BCKDHA: variants seen among roughly 807,000 people sequenced by gnomAD.
BCKDHA encodes the protein 2-oxoisovalerate dehydrogenase subunit alpha, mitochondrial.
In BCKDHA, 43 loss-of-function variants were observed where a neutral mutation model predicts 52.2. The ratio of observed to expected loss-of-function variants is 0.82; its 90% CI spans 0.64 to 1.06. BCKDHA has a LOEUF of 1.06. Ranked by LOEUF, BCKDHA falls within the 50% of genes least tolerant of loss-of-function variation. The pLI is 0.00. For missense variants in BCKDHA, 527 were observed against 621.3 expected (o/e 0.85, Z 1.61); for synonymous variants, 234 against 247.9 (o/e 0.94, Z 0.53).
intron 1 of BCKDHA, among the ~76,000 whole-genome samples, chr19:41,400,527 ACTGTGCCTGG>A (rs968187278): frequency 6.7e-6 from 1 of 150,144 alleles, no homozygotes; most frequent in African/African-American, 2.5e-5. Flanking sequence ...GGCATAAGCC[ACTGTGCCTGG>A]CTGCGCCTGG....
chr19:41,422,214 ATC>A lies in BCKDHA; in HGVS notation c.699_700del (p.Ile233MetfsTer10). ...GCGGGCCAATGCCAACAGGGTCGTC[ATC>A]TGTTACTTCGGCGAGGGGGCAGCCA... Reference protein sequence around the residue: ...AKRANANRVVICYFGEGAASE... With the variant: ...AKRANANRVVXCYFGEGAASE... On this transcript the variant is annotated frameshift_variant, in exon 6 of 9. Transcript: ENST00000269980. LOFTEE classifies it high-confidence loss of function. 6.2e-7 allele frequency: 1 copy of A among 1,614,150 alleles called. No homozygotes were observed. Among genetic ancestry groups the A allele is most frequent in the Non-Finnish European group, 8.5e-7 (1 of 1,180,008 alleles).
intron 3 of BCKDHA, among the ~76,000 whole-genome samples, chr19:41,411,727 G>C (rs1271805275): frequency 6.6e-6 from 1 of 152,136 alleles, no homozygotes; most frequent in Admixed American, 6.5e-5. Context: ...TGAGACCTCT[G>C]TTAACAGAGG....
intron 5 of BCKDHA, 54 bp from the exon 6 acceptor site, chr19:41,422,110 G>A: frequency 6.5e-7 from 1 of 1,537,206 alleles, no homozygotes; most frequent in Non-Finnish European, 8.9e-7. Context: ...GTGTGAATGA[G>A]TGTGAGTGCA....
chr19:41,423,743 A>G (rs1281114110), intron 8 of BCKDHA, among the ~76,000 whole-genome samples: 5 of 152,030 alleles, frequency 3.3e-5, no homozygotes, highest in Non-Finnish European at 7.4e-5. Context: ...GAGGCAGGAG[A>G]ATTGCTTGAA....
In BCKDHA at chr19:41,411,025, A is replaced by G; in HGVS notation, c.375+16A>G. On this transcript the variant is annotated intron_variant, in intron 3 of 8. Transcript: ENST00000269980. ...TCAGCGGCAGGTGCGTGGGGACAGGACTAGGGGCGGGGGGCTGGAATTACC... is the reference window on the plus strand; with the variant it reads ...TCAGCGGCAGGTGCGTGGGGACAGGGCTAGGGGCGGGGGGCTGGAATTACC... 4 of 1,613,446 alleles carry G rather than the reference A, an allele frequency of 2.5e-6. 1 individual carries two copies. In the South Asian group the frequency reaches 4.4e-5, roughly 18 times the overall value.
intron 3 of BCKDHA, among the ~76,000 whole-genome samples, chr19:41,413,409 C>G (rs1232446603): frequency 2.6e-5 from 4 of 152,110 alleles, no homozygotes; most frequent in Non-Finnish European, 5.9e-5. Flanking sequence ...TCTGCTGCCC[C>G]CTAGCACAGC....
intron 1 of BCKDHA, among the ~76,000 whole-genome samples, chr19:41,407,202 C>A (rs1470907143): frequency 1.3e-5 from 2 of 152,196 alleles, no homozygotes; most frequent in African/African-American, 4.8e-5. Flanking sequence ...CGGTGCTGAA[C>A]CCCTGGTGTG....
chr19:41,419,378 T>A, intron 5 of BCKDHA, 82 bp downstream of exon 5: 1 of 1,516,142 alleles, frequency 6.6e-7, no homozygotes, highest in Non-Finnish European at 8.9e-7. Flanking sequence ...TTGCCTGCCT[T>A]CTGGGTGGAA....
chr19:41,414,027 C>T, intron 3 of BCKDHA, 22 bp from the exon 4 acceptor site: 1 of 1,600,958 alleles, frequency 6.2e-7, no homozygotes, highest in Non-Finnish European at 8.6e-7. Context: ...TTGTGGGACC[C>T]CGGTCCCCTC....
intron 4 of BCKDHA, among the ~76,000 whole-genome samples, chr19:41,416,881 G>A (rs1239638910): frequency 1.3e-5 from 2 of 151,962 alleles, no homozygotes; most frequent in Admixed American, 6.6e-5. Context: ...TTCCACCACC[G>A]AACTCCAGTT....
chr19:41,422,468 C>A, intron 6 of BCKDHA, 98 bp downstream of exon 6: 1 of 1,578,014 alleles, frequency 6.3e-7, no homozygotes, highest in Non-Finnish European at 8.7e-7. Context: ...CTTCCTGGTT[C>A]TCGTCCTGTG....
At position 41,421,130 on chromosome 19, in the gene BCKDHA, C is replaced by T. The variant is rs114160048; in HGVS notation, c.647-1034C>T. Among the ~76,000 whole-genome samples the T allele has an allele frequency of 8.9e-3, 1,355 of 152,276 alleles. 20 individuals carry two copies. Among genetic ancestry groups the T allele is most frequent in the African/African-American group, 0.031 (1,269 of 41,552 alleles). ...AGGGGGCATTTAGGGGGCATTTGAG[C>T]TAAAGGTAATAGGGTTTCCACAAGG... On this transcript the variant is annotated intron_variant, in intron 5 of 8. Coordinates refer to ENST00000269980, the MANE Select transcript of BCKDHA (RefSeq NM_000709.4).
chr19:41,413,285 A>T (rs533833546), intron 3 of BCKDHA, among the ~76,000 whole-genome samples: 1 of 152,200 alleles, frequency 6.6e-6, no homozygotes, highest in South Asian at 2.1e-4. Context: ...ACTGTGTCCC[A>T]TGGCCACCTC....
chr19:41,409,992 G>T (rs946181759), intron 1 of BCKDHA, among the ~76,000 whole-genome samples: 1 of 151,976 alleles, frequency 6.6e-6, no homozygotes, highest in African/African-American at 2.4e-5. Context: ...GTGGGTACAG[G>T]GTTTCGCCAT....
At chr19:41,418,117 G>A (rs865917257) in intron 4 of BCKDHA, among the ~76,000 whole-genome samples, 17 of 132,640 alleles carry the variant, frequency 1.3e-4, no homozygotes, top group African/African-American at 4.6e-4. Flanking sequence ...AAAAAAAAAA[G>A]GTAACTGCTG....
intron 1 of BCKDHA, among the ~76,000 whole-genome samples, chr19:41,404,089 C>T (rs151232912): frequency 1.3e-3 from 192 of 152,038 alleles, no homozygotes; most frequent in African/African-American, 3.5e-3. Flanking sequence ...AAGCGATTCT[C>T]GTGCCTCAGT....
chr19:41,414,016 A>G, intron 3 of BCKDHA, 33 bp from the exon 4 acceptor site: 7 of 1,576,300 alleles, frequency 4.4e-6, no homozygotes, highest in African/African-American at 1.3e-5. Flanking sequence ...AGCATAACCA[A>G]TTGTGGGACC....
chr19:41,406,451 G>A (rs10426536), intron 1 of BCKDHA, among the ~76,000 whole-genome samples: 4,328 of 152,196 alleles, frequency 0.028, 201 homozygotes, highest in African/African-American at 0.098. Context: ...AGGCTGGAGT[G>A]CAATGGTGCA....
chr19:41,401,795 C>T (rs1037895047), intron 1 of BCKDHA, among the ~76,000 whole-genome samples: 2 of 152,118 alleles, frequency 1.3e-5, no homozygotes, highest in Admixed American at 1.3e-4. Context: ...TCAGGAAGCC[C>T]CTGGAGCTCG....
Sources: gnomAD v4.1 joint callset for allele counts (sites outside exome capture counted in the v4.1 genomes callset) on GRCh38, gnomAD v4.1.1 for gene constraint, MANE v1.5 for transcripts, NCBI Gene and HGNC (gene_info 2026-07-23, HGNC 2026-07-21) for gene names.